COBL: variants seen among roughly 807,000 people sequenced by gnomAD.
COBL encodes protein cordon-bleu.
In COBL, 51 loss-of-function variants were observed where a neutral mutation model predicts 98.8. The observed-to-expected ratio is 0.52, with a 90% CI of 0.41 to 0.65. The LOEUF is 0.65. COBL is among the 30% of genes least tolerant of loss of function. The pLI, the probability that COBL is intolerant of heterozygous loss-of-function variation, is 0.00. For synonymous variants in COBL, 634 were observed against 651.7 expected, an observed-to-expected ratio of 0.97 and a Z score of 0.41; for missense variants, 1,617 against 1,617.5, an observed-to-expected ratio of 1.00 and a Z score of 0.01.
intron 6 of COBL, among the ~76,000 whole-genome samples, chr7:51,133,805 T>C (rs967119123): frequency 2.6e-5 from 4 of 152,304 alleles, no homozygotes; most frequent in South Asian, 2.1e-4. Flanking sequence ...ACACACATGA[T>C]CAAATTATGA....
rs576625008 is a variant in COBL at position 51,016,826 on chromosome 7, G to A, written c.*725C>T. The A allele has an allele frequency of 7.5e-5, 30 of 397,962 alleles. No homozygotes were observed. The highest frequency in any genetic ancestry group is 1.2e-4 in the Non-Finnish European group (28 of 226,142). 24.7% of individuals were successfully genotyped at this position (397,962 alleles called of 1,614,324 possible). A position where few individuals can be genotyped will look rare whatever the true frequency, so the allele number is the denominator to read the frequency against. ...ACTGCCCATCCACTCCAGTGGTGGT[G>A]TGACCTCAGCCACCCGCCACCCTTG... is the stretch of plus-strand genomic sequence containing the variant. On this transcript the variant is annotated 3_prime_UTR_variant, in exon 13 of 13. Coordinates refer to ENST00000265136, the MANE Select transcript of COBL (RefSeq NM_015198.5).
chr7:51,019,499 G>A (rs755223297), intron 12 of COBL, among the ~76,000 whole-genome samples: 2 of 152,202 alleles, frequency 1.3e-5, no homozygotes, highest in Non-Finnish European at 2.9e-5. Context: ...AAGACGTGAG[G>A]TTAATAAAGG....
intron 7 of COBL, among the ~76,000 whole-genome samples, chr7:51,084,176 G>A (rs1211534089): frequency 6.6e-6 from 1 of 152,156 alleles, no homozygotes. Context: ...CTGACTAAGG[G>A]GAAAGACGCT....
At chr7:51,086,825 T>C (rs1015277761) in intron 6 of COBL, among the ~76,000 whole-genome samples, 1 of 152,178 alleles carries the variant, frequency 6.6e-6, no homozygotes, top group South Asian at 2.1e-4. Flanking sequence ...TTTCTTTCCT[T>C]CTGTTATAGT....
chr7:51,282,811 A>C (rs1471997656), intron 1 of COBL, among the ~76,000 whole-genome samples: 4 of 152,008 alleles, frequency 2.6e-5, no homozygotes, highest in African/African-American at 9.7e-5. Context: ...AACAAACCTT[A>C]CCAAATATAA....
rs756176607 is a variant in COBL at position 51,190,962 on chromosome 7, G to T, written c.573C>A (p.Ser191Arg). The T allele has an allele frequency of 5.0e-5, 80 of 1,614,048 alleles. No homozygotes were observed. Among genetic ancestry groups the T allele is most frequent in the Non-Finnish European group, 6.4e-5 (75 of 1,180,040 alleles). Residue 191 changes from serine to arginine, a missense_variant, in exon 4 of 13, where the codon AGC becomes AGA. By Grantham distance (110) the Ser-to-Arg change is moderately radical (BLOSUM62 -1). Coordinates refer to ENST00000265136, the MANE Select transcript of COBL (RefSeq NM_015198.5). The stretch of plus-strand genomic sequence containing the variant: ...CCCTGAGGAGAACCACGTGCTCTGG[G>T]CTGACCTCACACTTTGCACAAATGA... The part of the protein sequence containing the change: ...LPVICAKCEV[S>R]PEHVVLLRDN...
intron 2 of COBL, among the ~76,000 whole-genome samples, chr7:51,198,063 T>C (rs2129062214): frequency 6.6e-6 from 1 of 152,352 alleles, no homozygotes; most frequent in Admixed American, 6.5e-5. Context: ...ATCATGATGT[T>C]AGCTGGTTAT....
intron 1 of COBL, among the ~76,000 whole-genome samples, chr7:51,277,873 C>A (rs535617915): frequency 6.6e-6 from 1 of 152,306 alleles, no homozygotes; most frequent in African/African-American, 2.4e-5. Context: ...TCTCTAAATA[C>A]TTTCTGACCA....
At chr7:51,150,419 C>T (rs951257353) in intron 5 of COBL, among the ~76,000 whole-genome samples, 3 of 152,208 alleles carry the variant, frequency 2.0e-5, no homozygotes, top group African/African-American at 7.2e-5. Flanking sequence ...CACTAGTCAA[C>T]CCCAGCAACC....
intron 6 of COBL, among the ~76,000 whole-genome samples, chr7:51,087,594 C>A (rs1427837120): frequency 6.6e-6 from 1 of 151,910 alleles, no homozygotes; most frequent in African/African-American, 2.4e-5. Context: ...CCTGCCTCAG[C>A]CTCCTGAGTA....
chr7:51,199,312 G>C (rs567714034), intron 2 of COBL, among the ~76,000 whole-genome samples: 1 of 152,254 alleles, frequency 6.6e-6, no homozygotes, highest in East Asian at 1.9e-4. Context: ...CATCAGTCTG[G>C]TGAGCTAGGA....
chr7:51,239,718 G>A (rs1464052436), intron 1 of COBL, among the ~76,000 whole-genome samples: 1 of 152,088 alleles, frequency 6.6e-6, no homozygotes, highest in African/African-American at 2.4e-5. Context: ...CTACTCGATG[G>A]GAGTTGCCAC....
intron 1 of COBL, among the ~76,000 whole-genome samples, chr7:51,237,709 T>C (rs893501806): frequency 1.3e-5 from 2 of 152,130 alleles, no homozygotes; most frequent in Middle Eastern, 3.2e-3. Flanking sequence ...TCATGGTCCG[T>C]TAAAAACAAA....
chr7:51,264,256 G>C (rs888865504), intron 1 of COBL, among the ~76,000 whole-genome samples: 1 of 152,162 alleles, frequency 6.6e-6, no homozygotes, highest in East Asian at 1.9e-4. Context: ...GGGCTCAAAC[G>C]TTCTTCCTTT....
chr7:51,141,578 T>C (rs1799751583), intron 5 of COBL, among the ~76,000 whole-genome samples: 1 of 151,662 alleles, frequency 6.6e-6, no homozygotes, highest in African/African-American at 2.4e-5. Flanking sequence ...TTCCTGTTGC[T>C]GCCTGCAGCC....
intron 7 of COBL, among the ~76,000 whole-genome samples, chr7:51,053,390 C>T (rs1790420894): frequency 6.6e-6 from 1 of 152,174 alleles, no homozygotes; most frequent in African/African-American, 2.4e-5. Context: ...CCTCAGGGAC[C>T]CAGGCTGACC....
rs143921339 is a variant in COBL, at chr7:51,227,308, T to C, written c.42-7364A>G. Among the ~76,000 whole-genome samples, 1,131 of 152,226 alleles carry C rather than the reference T, an allele frequency of 7.4e-3. 9 individuals are homozygous for C. Among genetic ancestry groups the C allele is most frequent in the Non-Finnish European group, 9.9e-3 (673 of 68,014 alleles). On this transcript the variant is annotated intron_variant, in intron 1 of 12. Transcript: ENST00000265136. ...GAGGCTCAGATGGACGCATGGGGAC[T>C]GTGTTCAACTGCCTCAGGAGACAGA...
At chr7:51,231,670 A>G (rs969277922) in intron 1 of COBL, among the ~76,000 whole-genome samples, 11 of 152,212 alleles carry the variant, frequency 7.2e-5, no homozygotes, top group African/African-American at 2.4e-4. Context: ...TAGCTGCTGC[A>G]GGGCTCAGGT....
chr7:51,082,978 T>C, intron 7 of COBL: 1 of 1,367,934 alleles, frequency 7.3e-7, no homozygotes, highest in African/African-American at 1.4e-5. Flanking sequence ...GAATGGAAAA[T>C]CTGGAAACCC....
Sources: gnomAD v4.1 joint callset for allele counts (sites outside exome capture counted in the v4.1 genomes callset) on GRCh38, gnomAD v4.1.1 for gene constraint, MANE v1.5 for transcripts, NCBI Gene and HGNC (gene_info 2026-07-23, HGNC 2026-07-21) for gene names.